Variants in NRG3 observed in about 807,000 individuals in gnomAD.
NRG3 encodes pro-neuregulin-3, membrane-bound isoform.
In NRG3, 31 loss-of-function variants were observed where a neutral mutation model predicts 66.9. The ratio of observed to expected loss-of-function variants is 0.46; its 90% confidence interval spans 0.35 to 0.63. The LOEUF (loss-of-function observed/expected upper bound fraction) is 0.63. NRG3 is among the 20% of genes least tolerant of loss of function. The pLI is 0.00. For synonymous variants in NRG3, 393 were observed against 359.4 expected (o/e 1.09, Z -1.06); for missense variants, 910 against 878.9 (o/e 1.04, Z -0.45).
At chr10:81,981,601 G>C (rs1001867039) in intron 1 of NRG3, among the ~76,000 whole-genome samples, 3 of 152,128 alleles carry the variant, frequency 2.0e-5, no homozygotes, top group Non-Finnish European at 2.9e-5. Flanking sequence ...AGCTAAGGAG[G>C]TGCCCCTCAT....
At chr10:82,771,854 A>G (rs1268290063) in intron 3 of NRG3, among the ~76,000 whole-genome samples, 1 of 152,156 alleles carries the variant, frequency 6.6e-6, no homozygotes, top group Non-Finnish European at 1.5e-5. Flanking sequence ...ATTTATATCA[A>G]CATTCACTCT....
chr10:82,823,026 T>C (rs1255507884), intron 3 of NRG3, among the ~76,000 whole-genome samples: 1 of 152,174 alleles, frequency 6.6e-6, no homozygotes, highest in Non-Finnish European at 1.5e-5. Flanking sequence ...TCATTGTTAT[T>C]CCCCTTTTAC....
intron 2 of NRG3, among the ~76,000 whole-genome samples, chr10:82,423,336 T>C (rs2089209638): frequency 6.6e-6 from 1 of 151,918 alleles, no homozygotes; most frequent in African/African-American, 2.4e-5. Flanking sequence ...TCGTTATAAT[T>C]ATATATATCT....
chr10:82,572,179 A>G (rs978107865), intron 2 of NRG3, among the ~76,000 whole-genome samples: 1 of 151,682 alleles, frequency 6.6e-6, no homozygotes, highest in Non-Finnish European at 1.5e-5. Flanking sequence ...ATATTGTATA[A>G]TGTATCCTCT....
chr10:82,938,648 C>T (rs1046573370), intron 4 of NRG3, among the ~76,000 whole-genome samples: 4 of 152,232 alleles, frequency 2.6e-5, no homozygotes, highest in African/African-American at 9.6e-5. Context: ...AGCCCCATTA[C>T]ACCAATATGG....
chr10:82,979,534 C>T (rs766957555), intron 8 of NRG3, among the ~76,000 whole-genome samples: 2 of 152,148 alleles, frequency 1.3e-5, no homozygotes, highest in Non-Finnish European at 2.9e-5. Context: ...GGCATACGTA[C>T]AGTATCTGCT....
intron 1 of NRG3, among the ~76,000 whole-genome samples, chr10:82,080,479 C>G (rs2065330244): frequency 6.6e-6 from 1 of 152,092 alleles, no homozygotes; most frequent in South Asian, 2.1e-4. Flanking sequence ...GCCACCTTCC[C>G]ATGTGGCAGA....
At chr10:81,943,451 G>T (rs1395096567) in intron 1 of NRG3, among the ~76,000 whole-genome samples, 9 of 152,158 alleles carry the variant, frequency 5.9e-5, no homozygotes, top group African/African-American at 1.9e-4. Flanking sequence ...TACTAATCTT[G>T]TGGAAAGCAT....
chr10:82,009,280 T>C (rs1398443145), intron 1 of NRG3, among the ~76,000 whole-genome samples: 1 of 152,216 alleles, frequency 6.6e-6, no homozygotes, highest in African/African-American at 2.4e-5. Context: ...ATGACAAGTC[T>C]ACACAAGCTA....
chr10:82,915,208 T>C (rs1032622438), intron 4 of NRG3, among the ~76,000 whole-genome samples: 5 of 152,236 alleles, frequency 3.3e-5, no homozygotes, highest in African/African-American at 1.2e-4. Context: ...GTATTTATCT[T>C]TCTCTGCAGT....
chr10:82,103,472 A>T (rs1307008350), intron 1 of NRG3, among the ~76,000 whole-genome samples: 2 of 152,168 alleles, frequency 1.3e-5, no homozygotes, highest in Non-Finnish European at 2.9e-5. Context: ...GATTGATCCA[A>T]TGTCAGTTAT....
intron 1 of NRG3, among the ~76,000 whole-genome samples, chr10:81,931,104 A>G (rs1272141676): frequency 6.6e-6 from 1 of 152,186 alleles, no homozygotes; most frequent in East Asian, 1.9e-4. Context: ...TTCCCTGTTC[A>G]TTACATAGAT....
At chr10:82,764,889 A>G (rs566483484) in intron 3 of NRG3, among the ~76,000 whole-genome samples, 1 of 152,244 alleles carries the variant, frequency 6.6e-6, no homozygotes, top group Non-Finnish European at 1.5e-5. Flanking sequence ...AGAGAGAGAG[A>G]GAAAGACAGA....
intron 3 of NRG3, among the ~76,000 whole-genome samples, chr10:82,806,105 G>T (rs554789747): frequency 5.3e-5 from 8 of 152,124 alleles, no homozygotes; most frequent in Non-Finnish European, 1.0e-4. Context: ...TACTGCTAGA[G>T]AAGCATTTGT....
intron 2 of NRG3, among the ~76,000 whole-genome samples, chr10:82,611,996 A>G (rs1257834000): frequency 2.0e-5 from 3 of 152,004 alleles, no homozygotes; most frequent in African/African-American, 7.3e-5. Flanking sequence ...TGTGGTTTTG[A>G]TTTGCATTTC....
chr10:82,745,014 A>G (rs1379360034), intron 3 of NRG3, among the ~76,000 whole-genome samples: 1 of 152,172 alleles, frequency 6.6e-6, no homozygotes, highest in African/African-American at 2.4e-5. Context: ...CTGGCCTCGA[A>G]TATCTCCAGT....
At chr10:82,876,866 A>G (rs1053027215) in intron 4 of NRG3, among the ~76,000 whole-genome samples, 20 of 151,992 alleles carry the variant, frequency 1.3e-4, no homozygotes, top group Admixed American at 4.6e-4. Context: ...TCTAATAAAA[A>G]TACAAAATTA....
At chr10:82,494,872 C>T (rs1281094497) in intron 2 of NRG3, among the ~76,000 whole-genome samples, 2 of 151,972 alleles carry the variant, frequency 1.3e-5, no homozygotes, top group Non-Finnish European at 2.9e-5. Context: ...GAGACATTGG[C>T]AGCTAAGAAC....
chr10:82,162,101 A>T (rs1181868749), intron 1 of NRG3, among the ~76,000 whole-genome samples: 1 of 152,114 alleles, frequency 6.6e-6, no homozygotes, highest in Non-Finnish European at 1.5e-5. Context: ...TCTGTTCTTG[A>T]AGAGAGAATA....
Sources: gnomAD v4.1 joint callset for allele counts (sites outside exome capture counted in the v4.1 genomes callset) on GRCh38, gnomAD v4.1.1 for gene constraint, MANE v1.5 for transcripts, NCBI Gene and HGNC (gene_info 2026-07-23, HGNC 2026-07-21) for gene names.